Variants in FDFT1 observed in about 807,000 individuals in gnomAD.
FDFT1 encodes squalene synthase.
A neutral mutation model predicts 46.8 loss-of-function variants in FDFT1; 68 were observed. The ratio of observed to expected loss-of-function variants is 1.45; its 90% CI spans 1.19 to 1.78. The LOEUF (loss-of-function observed/expected upper bound fraction) is 1.78. Ranked by LOEUF, FDFT1 falls within the 40% of genes most tolerant of loss-of-function variation. The probability of loss-of-function intolerance (pLI) is 0.00; values close to 1 mark genes in which losing one functional copy is unlikely to be tolerated. For synonymous variants in FDFT1, 351 were observed against 185.1 expected (o/e 1.90, Z -7.28); for missense variants, 928 against 524.4 (o/e 1.77, Z -7.52).
intron 3 of FDFT1, among the ~76,000 whole-genome samples, chr8:11,812,763 T>C (rs7013950): frequency 0.2 from 30,662 of 152,176 alleles, 3,944 homozygotes; most frequent in African/African-American, 0.37. Context: ...ACCCAGTGAC[T>C]TCCGCCTCGA....
At chr8:11,798,053 A>C (rs981953700), upstream of FDFT1, 2 of 150,314 alleles carry the variant, frequency 1.3e-5, no homozygotes, top group Non-Finnish European at 3.0e-5. Context: ...TTTAAAATGG[A>C]AGGATTATAA....
chr8:11,806,350 T>C (rs764448930), intron 1 of FDFT1, among the ~76,000 whole-genome samples: 3 of 152,102 alleles, frequency 2.0e-5, no homozygotes, highest in Non-Finnish European at 1.5e-5. Context: ...TTTTAGTGAG[T>C]GTTGTTTTCC....
At chr8:11,837,990 A>G (rs1811771987) in intron 7 of FDFT1, among the ~76,000 whole-genome samples, 1 of 152,084 alleles carries the variant, frequency 6.6e-6, no homozygotes, top group African/African-American at 2.4e-5. Context: ...CTTGTTTCTA[A>G]GCTGCTTTTG....
chr8:11,800,349 C>T (rs1182554033), upstream of FDFT1, among the ~76,000 whole-genome samples: 1 of 146,856 alleles, frequency 6.8e-6, no homozygotes, highest in Non-Finnish European at 1.5e-5. Flanking sequence ...AGAAAGGGTA[C>T]ACTCGCCAGC....
chr8:11,808,501 C>T (rs1335992904), intron 1 of FDFT1: 17 of 1,329,096 alleles, frequency 1.3e-5, no homozygotes, highest in Admixed American at 7.7e-5. Context: ...AAAAACTCCG[C>T]GGGGTCCGCG....
chr8:11,824,448 A>G (rs1809683365), intron 4 of FDFT1, among the ~76,000 whole-genome samples: 1 of 152,206 alleles, frequency 6.6e-6, no homozygotes, highest in African/African-American at 2.4e-5. Context: ...TTAAAGCCTG[A>G]CACTTAAGTC....
Position 11,838,427 on chromosome 8 carries a change from A to C in FDFT1, c.1072A>C (p.Lys358Gln), listed in dbSNP as rs1010913317. Residue 358 changes from lysine to glutamine, a missense_variant, in exon 8 of 8, where the codon AAA becomes CAA. Physicochemically the swap from Lys to Gln is moderately conservative, Grantham distance 53. Coordinates refer to ENST00000220584, the MANE Select transcript of FDFT1 (RefSeq NM_004462.5). ...CCCCGACTCAGACCCATCTTCTAGC[A>C]AAACAAGGCAGATCATCTCCACCAT... The part of the protein sequence containing the change: ...RIPDSDPSSS[K>Q]TRQIISTIRT... The C allele has an allele frequency of 3.1e-6, 5 of 1,612,020 alleles. No individual in the cohort carries two copies. Among genetic ancestry groups the C allele is most frequent in the African/African-American group, 1.3e-5 (1 of 74,840 alleles).
chr8:11,820,327 C>G (rs893839553), intron 3 of FDFT1, among the ~76,000 whole-genome samples: 14 of 152,210 alleles, frequency 9.2e-5, no homozygotes, highest in African/African-American at 3.4e-4. Flanking sequence ...AGGAGGCAGT[C>G]TGTCCGTTAC....
At chr8:11,832,997 C>T (rs1432008108) in intron 7 of FDFT1, among the ~76,000 whole-genome samples, 1 of 152,190 alleles carries the variant, frequency 6.6e-6, no homozygotes, top group Non-Finnish European at 1.5e-5. Context: ...ATTTCTCTTG[C>T]ATATTGCACA....
At chr8:11,830,036 C>A (rs1177315893) in intron 5 of FDFT1, among the ~76,000 whole-genome samples, 1 of 152,008 alleles carries the variant, frequency 6.6e-6, no homozygotes, top group Non-Finnish European at 1.5e-5. Flanking sequence ...TTAGTAGACA[C>A]AGGGTTTCAC....
chr8:11,837,728 A>G (rs946314861), intron 7 of FDFT1, among the ~76,000 whole-genome samples: 1 of 152,030 alleles, frequency 6.6e-6, no homozygotes, highest in African/African-American at 2.4e-5. Context: ...TGTAGAGCAG[A>G]CAGGTAGATT....
chr8:11,820,150 T>A (rs1162787674), intron 3 of FDFT1, among the ~76,000 whole-genome samples: 1 of 152,206 alleles, frequency 6.6e-6, no homozygotes, highest in East Asian at 1.9e-4. Flanking sequence ...AGACCCTGTT[T>A]ACCTGGGTAT....
chr8:11,809,669 A>G lies in FDFT1; in HGVS notation c.200A>G (p.Asn67Ser). ...TAATAGTTTTCCCTTTTTTACAGCA[A>G]CGCAGTGTGCATATTTTATCTGGTT... Reference protein sequence around the residue: ...VIQALDGEMRNAVCIFYLVLR... With the variant: ...VIQALDGEMRSAVCIFYLVLR... The change falls in exon 3 of 8, where the codon AAC (asparagine) becomes AGC (serine). Residue 67 changes from asparagine (N) to serine (S), a missense_variant and splice_region_variant. Physicochemically the swap from Asn to Ser is conservative, Grantham distance 46. Transcript: ENST00000220584. 1.2e-6 allele frequency: 2 copies of G among 1,606,970 alleles called. No individual in the cohort carries two copies. Among genetic ancestry groups the G allele is most frequent in the East Asian group, 2.2e-5 (1 of 44,816 alleles).
chr8:11,835,150 C>G (rs1315955045), intron 7 of FDFT1, among the ~76,000 whole-genome samples: 1 of 152,188 alleles, frequency 6.6e-6, no homozygotes, highest in Non-Finnish European at 1.5e-5. Context: ...TTGGCTTCAA[C>G]TTTATGCCGG....
intron 5 of FDFT1, among the ~76,000 whole-genome samples, chr8:11,828,314 AAAAC>A (rs920000528): frequency 5.9e-5 from 9 of 152,116 alleles, no homozygotes; most frequent in Admixed American, 1.3e-4. Flanking sequence ...CAACAACAAA[AAAAC>A]AAAAAACACT....
chr8:11,808,674 G>T (rs1167450807), intron 1 of FDFT1, 120 bp from the exon 2 acceptor site: 2 of 1,480,152 alleles, frequency 1.4e-6, no homozygotes, highest in African/African-American at 2.8e-5. Context: ...CTGGCCTCGG[G>T]GAGAGGGCGG....
chr8:11,811,978 A>C (rs1255211245), intron 3 of FDFT1, among the ~76,000 whole-genome samples: 4 of 152,188 alleles, frequency 2.6e-5, no homozygotes, highest in Non-Finnish European at 5.9e-5. Flanking sequence ...CTTTGAAACC[A>C]GTTGTCTGGG....
intron 4 of FDFT1, among the ~76,000 whole-genome samples, chr8:11,824,788 T>C (rs910246408): frequency 2.6e-5 from 4 of 152,088 alleles, no homozygotes; most frequent in Admixed American, 6.5e-5. Context: ...CAGGCTGGAG[T>C]GCAGTGGCGC....
Position 11,838,714 on chromosome 8 carries a change from C to T in FDFT1, c.*105C>T. The T allele has an allele frequency of 4.5e-6, 4 of 894,844 alleles. No homozygotes were observed. Among genetic ancestry groups the T allele is most frequent in the South Asian group, 2.8e-5 (2 of 70,712 alleles). The allele number at this position is 894,844 out of a possible 1,614,324, so 55.4% of individuals were successfully genotyped here. On this transcript the variant is annotated 3_prime_UTR_variant, in exon 8 of 8. Coordinates refer to ENST00000220584, the MANE Select transcript of FDFT1 (RefSeq NM_004462.5). ...TATTTTTTTCCTACTACTTTAATCC[C>T]TAAAAGAACGCTGTGTGGCTGGGAC... is the stretch of plus-strand genomic sequence containing the variant.
Sources: allele counts gnomAD v4.1 joint callset (sites outside exome capture counted in the v4.1 genomes callset), GRCh38; gene constraint gnomAD v4.1.1; transcripts MANE v1.5; gene names NCBI Gene and HGNC (gene_info 2026-07-23, HGNC 2026-07-21).